Variants in AP3B1 observed in about 807,000 individuals in gnomAD.
The protein encoded by AP3B1 is AP-3 complex subunit beta-1.
In AP3B1, 61 loss-of-function variants were observed where a neutral mutation model predicts 132.5. That is an observed-to-expected ratio of 0.46 (90% CI 0.37 to 0.57). The LOEUF is 0.57. Ranked by LOEUF, AP3B1 falls within the 20% of genes least tolerant of loss-of-function variation. AP3B1 has a pLI of 0.00. For missense variants in AP3B1, 1,120 were observed against 1,289.4 expected (o/e 0.87, Z 2.01); for synonymous variants, 388 against 438.3 (o/e 0.89, Z 1.43).
intron 16 of AP3B1, among the ~76,000 whole-genome samples, chr5:78,128,756 C>T (rs921135397): frequency 6.6e-6 from 1 of 151,884 alleles, no homozygotes; most frequent in Non-Finnish European, 1.5e-5. Context: ...TTAGTGTACA[C>T]AGAATATTTA....
intron 19 of AP3B1, among the ~76,000 whole-genome samples, chr5:78,111,797 T>C (rs777987262): frequency 4.2e-4 from 64 of 152,304 alleles, no homozygotes; most frequent in Admixed American, 7.2e-4. Context: ...AGGCACTTCA[T>C]ACCAATCATA....
At chr5:78,073,631 T>C (rs2112167587) in intron 22 of AP3B1, among the ~76,000 whole-genome samples, 1 of 152,268 alleles carries the variant, frequency 6.6e-6, no homozygotes, top group Middle Eastern at 3.4e-3. Context: ...TCACCGAAGA[T>C]GACAAAACTG....
At chr5:78,173,010 C>T (rs570783054) in intron 11 of AP3B1, among the ~76,000 whole-genome samples, 1 of 152,296 alleles carries the variant, frequency 6.6e-6, no homozygotes, top group African/African-American at 2.4e-5. Flanking sequence ...GCCTTCATTT[C>T]GTTATTTACC....
chr5:78,182,224 C>T (rs888603843), intron 7 of AP3B1, among the ~76,000 whole-genome samples: 1 of 152,180 alleles, frequency 6.6e-6, no homozygotes, highest in South Asian at 2.1e-4. Flanking sequence ...AATTCTTTAT[C>T]TCTGCCAATA....
chr5:78,055,486 G>GCATGTGACAGTGTCA, intron 22 of AP3B1, among the ~76,000 whole-genome samples: 1 of 152,308 alleles, frequency 6.6e-6, no homozygotes, highest in African/African-American at 2.4e-5. Context: ...GTGTGACACT[G>GCATGTGACAGTGTCA]CATGTGACAG....
chr5:78,217,061 A>C (rs1483538447), intron 6 of AP3B1, among the ~76,000 whole-genome samples: 2 of 152,168 alleles, frequency 1.3e-5, no homozygotes, highest in African/African-American at 2.4e-5. Flanking sequence ...CCCACAATAT[A>C]ATACAGTTTT....
At chr5:78,210,031 C>T (rs1745668781) in intron 7 of AP3B1, among the ~76,000 whole-genome samples, 1 of 152,104 alleles carries the variant, frequency 6.6e-6, no homozygotes, top group Non-Finnish European at 1.5e-5. Flanking sequence ...TCCTTAGTTT[C>T]ACCTTAAATT....
At chr5:78,179,975 G>A (rs539854005) in intron 8 of AP3B1, among the ~76,000 whole-genome samples, 4 of 152,172 alleles carry the variant, frequency 2.6e-5, no homozygotes, top group East Asian at 1.9e-4. Flanking sequence ...ATTTGAAAAC[G>A]TTTTTGATCC....
At chr5:78,096,770 C>G (rs942415419) in intron 21 of AP3B1, among the ~76,000 whole-genome samples, 1 of 151,836 alleles carries the variant, frequency 6.6e-6, no homozygotes, top group Non-Finnish European at 1.5e-5. Context: ...AGCCCCTCCG[C>G]CCGGCAGCCG....
intron 14 of AP3B1, among the ~76,000 whole-genome samples, chr5:78,148,276 C>G (rs955690963): frequency 2.0e-5 from 3 of 152,120 alleles, no homozygotes; most frequent in Non-Finnish European, 4.4e-5. Context: ...AACGAGTTTA[C>G]TAGCACAAGT....
intron 22 of AP3B1, among the ~76,000 whole-genome samples, chr5:78,059,391 T>C (rs1253506674): frequency 6.6e-6 from 1 of 152,248 alleles, no homozygotes; most frequent in Non-Finnish European, 1.5e-5. Context: ...TTTGTGGTAA[T>C]GTGTTACATC....
intron 21 of AP3B1, among the ~76,000 whole-genome samples, chr5:78,090,706 T>C (rs1206136608): frequency 1.3e-5 from 2 of 152,268 alleles, no homozygotes; most frequent in Non-Finnish European, 2.9e-5. Context: ...TTCTAAACCA[T>C]TTGAATAAAA....
intron 24 of AP3B1, among the ~76,000 whole-genome samples, chr5:78,021,562 TGATAGTA>T (rs2112067744): frequency 6.6e-6 from 1 of 152,262 alleles, no homozygotes; most frequent in East Asian, 1.9e-4. Flanking sequence ...GTATCCTAAA[TGATAGTA>T]GTGTGTTTGA....
intron 20 of AP3B1, among the ~76,000 whole-genome samples, chr5:78,105,935 C>T (rs1208448037): frequency 6.6e-6 from 1 of 152,114 alleles, no homozygotes; most frequent in Non-Finnish European, 1.5e-5. Flanking sequence ...TGGTTCTCAC[C>T]CTTTTGACTA....
At chr5:78,119,893 T>G (rs1580371726) in intron 17 of AP3B1, among the ~76,000 whole-genome samples, 1 of 152,248 alleles carries the variant, frequency 6.6e-6, no homozygotes, top group East Asian at 1.9e-4. Flanking sequence ...AATTGTCAGA[T>G]TCACCAAACT....
intron 22 of AP3B1, among the ~76,000 whole-genome samples, chr5:78,082,380 T>C (rs1403000034): frequency 2.0e-5 from 3 of 152,216 alleles, no homozygotes; most frequent in Non-Finnish European, 4.4e-5. Flanking sequence ...AGCTACAGAA[T>C]AGAATTCAAA....
chr5:78,114,593 G>A (rs1751741364), intron 18 of AP3B1, among the ~76,000 whole-genome samples: 4 of 152,102 alleles, frequency 2.6e-5, no homozygotes, highest in Admixed American at 2.6e-4. Context: ...AAGAATATAT[G>A]TGTATTTTTT....
At chr5:78,037,999 A>C (rs1258093620) in intron 23 of AP3B1, among the ~76,000 whole-genome samples, 1 of 152,206 alleles carries the variant, frequency 6.6e-6, no homozygotes, top group African/African-American at 2.4e-5. Context: ...AAATACTTAA[A>C]AAATGCAAAG....
chr5:78,279,684 A>G (rs13173098), intron 1 of AP3B1, among the ~76,000 whole-genome samples: 34,024 of 151,294 alleles, frequency 0.22, 4,490 homozygotes, highest in Middle Eastern at 0.31. Context: ...GGAGGCAGGA[A>G]GATCGCTTCA....
Sources: gnomAD v4.1 joint callset for allele counts (sites outside exome capture counted in the v4.1 genomes callset) on GRCh38, gnomAD v4.1.1 for gene constraint, MANE v1.5 for transcripts, NCBI Gene and HGNC (gene_info 2026-07-23, HGNC 2026-07-21) for gene names.